EPHA6: variants seen among roughly 807,000 people sequenced by gnomAD.
The protein encoded by EPHA6 is EPH receptor A6.
In EPHA6, 50 loss-of-function variants were observed where a neutral mutation model predicts 112.0. That is an observed-to-expected ratio of 0.45 (90% CI 0.36 to 0.56). The LOEUF (loss-of-function observed/expected upper bound fraction) is 0.56, where lower values mean the gene tolerates loss of function less well. Ranked by LOEUF, EPHA6 falls within the 20% of genes least tolerant of loss-of-function variation. The probability of loss-of-function intolerance (pLI) is 0.00; values close to 1 mark genes in which losing one functional copy is unlikely to be tolerated. For synonymous variants in EPHA6, 529 were observed against 490.7 expected, an observed-to-expected ratio of 1.08 and a Z score of -1.03; for missense variants, 1,280 against 1,417.4, an observed-to-expected ratio of 0.90 and a Z score of 1.56.
chr3:97,439,504 T>C, intron 6 of EPHA6: 1 of 353,592 alleles, frequency 2.8e-6, no homozygotes, highest in Non-Finnish European at 4.0e-6. Flanking sequence ...AATTTCTTCT[T>C]GTGCATTTTA....
chr3:97,439,903 C>G (rs1222143326), intron 6 of EPHA6, among the ~76,000 whole-genome samples: 1 of 152,074 alleles, frequency 6.6e-6, no homozygotes, highest in Non-Finnish European at 1.5e-5. Flanking sequence ...TAGTTCAATT[C>G]CCAGTGATAT....
chr3:97,186,212 TAAA>T (rs10707202), intron 3 of EPHA6, among the ~76,000 whole-genome samples: 1 of 151,334 alleles, frequency 6.6e-6, no homozygotes, highest in African/African-American at 2.4e-5. Flanking sequence ...TAAAGTATAA[TAAA>T]AAAAAATGTC....
At chr3:97,597,359 G>T (rs372578806) in intron 12 of EPHA6, among the ~76,000 whole-genome samples, 3 of 152,152 alleles carry the variant, frequency 2.0e-5, no homozygotes, top group South Asian at 2.1e-4. Context: ...CCTGTCTGCT[G>T]CTCTGAATCA....
At chr3:97,519,967 ATTT>A (rs570022502) in intron 10 of EPHA6, among the ~76,000 whole-genome samples, 3 of 133,724 alleles carry the variant, frequency 2.2e-5, no homozygotes, top group African/African-American at 5.5e-5. Flanking sequence ...TTTGGATGCA[ATTT>A]TTTTTTTTTT....
intron 3 of EPHA6, among the ~76,000 whole-genome samples, chr3:97,158,560 T>C (rs2076340721): frequency 6.6e-6 from 1 of 152,158 alleles, no homozygotes; most frequent in Non-Finnish European, 1.5e-5. Flanking sequence ...TTTCTGGAGA[T>C]GATTTTGAAG....
intron 10 of EPHA6, among the ~76,000 whole-genome samples, chr3:97,530,770 G>A (rs1461941934): frequency 4.0e-5 from 6 of 151,816 alleles, no homozygotes; most frequent in African/African-American, 1.5e-4. Context: ...TATTTCTAAT[G>A]GACATGTGTA....
intron 3 of EPHA6, among the ~76,000 whole-genome samples, chr3:97,090,775 CA>C (rs2108228437): frequency 6.6e-6 from 1 of 152,048 alleles, no homozygotes; most frequent in Non-Finnish European, 1.5e-5. Context: ...ATTGGCTGAC[CA>C]AAATCACCAC....
intron 3 of EPHA6, among the ~76,000 whole-genome samples, chr3:97,149,751 G>T (rs1181747760): frequency 6.6e-6 from 1 of 151,384 alleles, no homozygotes; most frequent in Non-Finnish European, 1.5e-5. Context: ...AACCTGTGAT[G>T]GTTGTAAGAT....
chr3:97,034,474 A>G (rs1196292157), intron 3 of EPHA6, among the ~76,000 whole-genome samples: 2 of 151,908 alleles, frequency 1.3e-5, no homozygotes, highest in East Asian at 3.9e-4. Context: ...CACCATTGTG[A>G]GCAGTTTGTT....
intron 3 of EPHA6, 141 bp downstream of exon 3, chr3:96,988,134 A>G: frequency 4.0e-6 from 2 of 500,278 alleles, no homozygotes; most frequent in East Asian, 3.3e-5. Context: ...TACTGATCAG[A>G]TCAAAGTAGT....
At chr3:97,528,702 A>G (rs1262679878) in intron 10 of EPHA6, among the ~76,000 whole-genome samples, 1 of 152,128 alleles carries the variant, frequency 6.6e-6, no homozygotes. Flanking sequence ...ATTGTCTCTT[A>G]CTGCCTGTAT....
intron 14 of EPHA6, among the ~76,000 whole-genome samples, chr3:97,677,182 T>C (rs1185915154): frequency 6.6e-6 from 1 of 152,216 alleles, no homozygotes; most frequent in African/African-American, 2.4e-5. Context: ...AGATCAAGCA[T>C]TTTAAATGAA....
At chr3:97,737,439 T>C (rs2035309870) in intron 16 of EPHA6, among the ~76,000 whole-genome samples, 1 of 152,064 alleles carries the variant, frequency 6.6e-6, no homozygotes, top group Non-Finnish European at 1.5e-5. Context: ...TTTATTATTA[T>C]TATCATTTCC....
chr3:97,524,127 A>G (rs1337267862), intron 10 of EPHA6, among the ~76,000 whole-genome samples: 1 of 150,674 alleles, frequency 6.6e-6, no homozygotes, highest in Non-Finnish European at 1.5e-5. Context: ...TAGGCATTTT[A>G]TTAATTTTTT....
intron 6 of EPHA6, among the ~76,000 whole-genome samples, chr3:97,435,624 C>A (rs9812888): frequency 0.12 from 18,774 of 152,086 alleles, 3,719 homozygotes; most frequent in African/African-American, 0.41. Context: ...GCTCCCAGAC[C>A]CCTAAATACA....
intron 7 of EPHA6, among the ~76,000 whole-genome samples, chr3:97,468,817 T>C (rs542386948): frequency 4.0e-5 from 6 of 151,816 alleles, no homozygotes; most frequent in African/African-American, 1.4e-4. Flanking sequence ...AATACACATA[T>C]ATTAATACCT....
chr3:96,910,588 C>G (rs1490243447), intron 2 of EPHA6, among the ~76,000 whole-genome samples: 2 of 152,088 alleles, frequency 1.3e-5, no homozygotes, highest in Admixed American at 6.6e-5. Flanking sequence ...TGGCTCCCAA[C>G]TGTTCTGGCT....
In EPHA6 at chr3:97,618,807, A is replaced by T. The variant is rs953120244; in HGVS notation, c.2574+7953A>T. On this transcript the variant is annotated intron_variant, in intron 13 of 17. Coordinates refer to ENST00000389672, the MANE Select transcript of EPHA6 (RefSeq NM_001080448.3). ...CCCAAAAAAGCCCAGGACCAGATGG[A>T]TTCACAGCTGAATTCTACCAGATGT... is the stretch of plus-strand genomic sequence containing the variant. Among the ~76,000 whole-genome samples the T allele has an allele frequency of 2.0e-5, 3 of 152,134 alleles. No individual in the cohort carries two copies. The South Asian group carries it at 6.2e-4, about 31-fold the overall frequency.
chr3:96,909,485 A>T (rs959797449), intron 2 of EPHA6, among the ~76,000 whole-genome samples: 6 of 151,938 alleles, frequency 3.9e-5, no homozygotes, highest in Admixed American at 3.3e-4. Flanking sequence ...ATATGCATGT[A>T]TGAGATTTTA....
Sources: gnomAD v4.1 joint callset for allele counts (sites outside exome capture counted in the v4.1 genomes callset) on GRCh38, gnomAD v4.1.1 for gene constraint, MANE v1.5 for transcripts, NCBI Gene and HGNC (gene_info 2026-07-23, HGNC 2026-07-21) for gene names.